SMYD3: variants seen among roughly 807,000 people sequenced by gnomAD.
The protein encoded by SMYD3 is histone-lysine N-methyltransferase SMYD3.
A neutral mutation model predicts 57.7 loss-of-function variants in SMYD3; 36 were observed. That is an observed-to-expected ratio of 0.62 (90% CI 0.48 to 0.82). SMYD3 has a LOEUF of 0.82. Among genes scored for constraint, SMYD3 ranks in the 40% least tolerant of loss-of-function variants. The pLI is 0.00. For synonymous variants in SMYD3, 211 were observed against 195.0 expected, an observed-to-expected ratio of 1.08 and a Z score of -0.68; for missense variants, 515 against 538.8, an observed-to-expected ratio of 0.96 and a Z score of 0.44.
intron 5 of SMYD3, among the ~76,000 whole-genome samples, chr1:246,100,366 C>T (rs2060987794): frequency 6.6e-6 from 1 of 152,238 alleles, no homozygotes; most frequent in Non-Finnish European, 1.5e-5. Flanking sequence ...CCTGCCGCTG[C>T]CTGGCAGCAT....
At chr1:246,195,991 C>G (rs1364522840) in intron 5 of SMYD3, among the ~76,000 whole-genome samples, 1 of 152,098 alleles carries the variant, frequency 6.6e-6, no homozygotes, top group African/African-American at 2.4e-5. Context: ...GAGGATGATA[C>G]TGTCTTTAAA....
chr1:246,059,946 T>C (rs1379873401), intron 5 of SMYD3, among the ~76,000 whole-genome samples: 1 of 152,044 alleles, frequency 6.6e-6, no homozygotes, highest in Non-Finnish European at 1.5e-5. Flanking sequence ...AATTCGACAG[T>C]GTTGACAGAG....
intron 2 of SMYD3, among the ~76,000 whole-genome samples, chr1:246,340,803 A>T (rs1572398533): frequency 6.6e-6 from 1 of 151,930 alleles, no homozygotes; most frequent in Admixed American, 6.6e-5. Flanking sequence ...CCATCTCTAT[A>T]AAAAAAAATT....
At chr1:246,168,937 G>A (rs559358880) in intron 5 of SMYD3, among the ~76,000 whole-genome samples, 7 of 152,182 alleles carry the variant, frequency 4.6e-5, no homozygotes, top group Admixed American at 4.6e-4. Context: ...GCTCTTTCAG[G>A]GTAGGGGGTT....
chr1:245,807,684 A>T (rs921386144), intron 10 of SMYD3, among the ~76,000 whole-genome samples: 5 of 152,122 alleles, frequency 3.3e-5, no homozygotes, highest in African/African-American at 1.2e-4. Context: ...ATAACAAAAC[A>T]ACACTTTACA....
Position 245,772,383 on chromosome 1 carries a change from C to T in SMYD3, c.1077-8234G>A, listed in dbSNP as rs552623194. Among the ~76,000 whole-genome samples the T allele has an allele frequency of 2.0e-5, 3 of 152,332 alleles. No individual in the cohort carries two copies. In the South Asian group the frequency reaches 6.2e-4, roughly 32 times the overall value. ...GTGGGGTTTAGGCCAGGCGCCATGG[C>T]TCACACCCTTAATCCCAGTGCTTTG... On this transcript the variant is annotated intron_variant, in intron 10 of 11. Transcript: ENST00000490107.
At chr1:245,920,084 C>CA (rs2055760950) in intron 7 of SMYD3, among the ~76,000 whole-genome samples, 5 of 152,014 alleles carry the variant, frequency 3.3e-5, no homozygotes, top group African/African-American at 1.2e-4. Context: ...GAGGCCAAGG[C>CA]GGTAGGATCA....
chr1:246,329,519 C>A (rs2065422575), intron 4 of SMYD3, among the ~76,000 whole-genome samples: 1 of 152,050 alleles, frequency 6.6e-6, no homozygotes, highest in African/African-American at 2.4e-5. Context: ...ATGTCCTTCG[C>A]CCACTTTTTG....
At chr1:246,091,610 G>C (rs2060824782) in intron 5 of SMYD3, among the ~76,000 whole-genome samples, 1 of 152,062 alleles carries the variant, frequency 6.6e-6, no homozygotes, top group Admixed American at 6.5e-5. Context: ...TTTGTGCTCT[G>C]GCATTACCAC....
intron 5 of SMYD3, among the ~76,000 whole-genome samples, chr1:246,263,953 T>C (rs763564999): frequency 6.6e-6 from 1 of 152,208 alleles, no homozygotes; most frequent in African/African-American, 2.4e-5. Flanking sequence ...TCCTTAGATA[T>C]AAGATGCCTA....
chr1:246,458,438 CTTTTTTTTTTT>C (rs35956400), intron 1 of SMYD3, among the ~76,000 whole-genome samples: 1,586 of 62,132 alleles, frequency 0.026, 45 homozygotes, highest in African/African-American at 0.082. Context: ...AAAAGTCATT[CTTTTTTTTTTT>C]TTTTTTTTTT....
intron 5 of SMYD3, among the ~76,000 whole-genome samples, chr1:246,270,014 G>T (rs1398512713): frequency 6.6e-6 from 1 of 152,168 alleles, no homozygotes; most frequent in Non-Finnish European, 1.5e-5. Context: ...TGAACAGATT[G>T]TCTCTTTTGC....
chr1:246,409,682 C>T (rs2066929350), intron 1 of SMYD3, among the ~76,000 whole-genome samples: 2 of 152,054 alleles, frequency 1.3e-5, no homozygotes, highest in South Asian at 4.1e-4. Context: ...TCCATATGAA[C>T]TTTAAAGTAG....
intron 1 of SMYD3, among the ~76,000 whole-genome samples, chr1:246,445,855 GA>G (rs541828569): frequency 7.2e-5 from 9 of 124,352 alleles, no homozygotes; most frequent in East Asian, 4.6e-4. Context: ...ATCCAAAAAG[GA>G]AAAAAAAAAC....
At chr1:245,917,329 C>A (rs1323119935) in intron 7 of SMYD3, among the ~76,000 whole-genome samples, 1 of 152,208 alleles carries the variant, frequency 6.6e-6, no homozygotes, top group African/African-American at 2.4e-5. Context: ...CCCAGCCCTT[C>A]ATTTTTCTAA....
intron 1 of SMYD3, among the ~76,000 whole-genome samples, chr1:246,432,022 G>T (rs2103009998): frequency 6.6e-6 from 1 of 152,272 alleles, no homozygotes; most frequent in South Asian, 2.1e-4. Context: ...CAATAGACAT[G>T]TATTTTTTAA....
intron 10 of SMYD3, among the ~76,000 whole-genome samples, chr1:245,804,288 C>T (rs2048029577): frequency 1.3e-5 from 2 of 152,174 alleles, no homozygotes; most frequent in African/African-American, 4.8e-5. Flanking sequence ...TCTGGATGTT[C>T]TCCCAAATTA....
intron 10 of SMYD3, among the ~76,000 whole-genome samples, chr1:245,775,900 C>A: frequency 6.6e-6 from 1 of 151,812 alleles, no homozygotes; most frequent in Non-Finnish European, 1.5e-5. Context: ...GAAAATCATC[C>A]CAGATGGATG....
At position 245,821,402 on chromosome 1, in the gene SMYD3, T is replaced by G. The variant is rs1242258643; in HGVS notation, c.1076+37094A>C. Among the ~76,000 whole-genome samples, 48 of 150,420 alleles carry G rather than the reference T, an allele frequency of 3.2e-4. 1 individual carries two copies. The highest frequency in any genetic ancestry group is 1.0e-3 in the African/African-American group (43 of 41,456). On this transcript the variant is annotated intron_variant, in intron 10 of 11. Transcript: ENST00000490107. Reference sequence around the variant, plus strand: ...CCTTATAGAAAAATCAATTCAAGATTGATTAAAGACTTAAATGTTAGACCT... The same window carrying G: ...CCTTATAGAAAAATCAATTCAAGATGGATTAAAGACTTAAATGTTAGACCT...
Sources: gnomAD v4.1 joint callset for allele counts (sites outside exome capture counted in the v4.1 genomes callset) on GRCh38, gnomAD v4.1.1 for gene constraint, MANE v1.5 for transcripts, NCBI Gene and HGNC (gene_info 2026-07-23, HGNC 2026-07-21) for gene names.